The following IL7 variants were observed in gnomAD, a reference collection of about 807,000 sequenced individuals.
The protein encoded by IL7 is interleukin-7.
In IL7, 3 loss-of-function variants were observed where a neutral mutation model predicts 21.6. That is an observed-to-expected ratio of 0.14 (90% CI 0.06 to 0.36). IL7 has a LOEUF of 0.36. IL7 is among the 10% of genes least tolerant of loss of function. IL7 has a pLI of 1.00. For synonymous variants in IL7, 62 were observed against 68.1 expected, an observed-to-expected ratio of 0.91 and a Z score of 0.44; for missense variants, 175 against 200.2, an observed-to-expected ratio of 0.87 and a Z score of 0.76.
intron 3 of IL7, among the ~76,000 whole-genome samples, chr8:78,712,612 G>A (rs1438954159): frequency 2.0e-5 from 3 of 152,084 alleles, no homozygotes; most frequent in African/African-American, 4.8e-5. Context: ...GCCTACAACC[G>A]GGAAAAAGTA....
At chr8:78,762,218 G>C in intron 2 of IL7, 1 of 1,580,862 alleles carries the variant, frequency 6.3e-7, no homozygotes, top group Non-Finnish European at 8.7e-7. Context: ...ATAAGGACCA[G>C]TTCTACAGAT....
chr8:78,764,443 T>C (rs183436074), intron 2 of IL7, among the ~76,000 whole-genome samples: 173 of 152,152 alleles, frequency 1.1e-3, no homozygotes, highest in African/African-American at 4.0e-3. Context: ...TTTTTTTAAA[T>C]TGGTAAAAAA....
chr8:78,689,694 C>T (rs960577151), intron 3 of IL7, among the ~76,000 whole-genome samples: 1 of 151,682 alleles, frequency 6.6e-6, no homozygotes, highest in African/African-American at 2.4e-5. Context: ...GAGTGAAAGA[C>T]CTTGTTACAT....
intron 5 of IL7, chr8:78,719,131 G>T (rs901721446): frequency 2.0e-5 from 3 of 151,744 alleles, no homozygotes; most frequent in African/African-American, 7.2e-5. Flanking sequence ...TTTAGAAGAT[G>T]AATGCATATA....
chr8:78,740,142 ATT>A, intron 2 of IL7, 60 bp from the exon 3 acceptor site: 2 of 960,674 alleles, frequency 2.1e-6, no homozygotes, highest in South Asian at 6.4e-5. Flanking sequence ...ATATCTTGTA[ATT>A]ATAAAAAATA....
chr8:78,680,717 C>A (rs552862636), intron 4 of IL7, among the ~76,000 whole-genome samples: 26 of 152,124 alleles, frequency 1.7e-4, no homozygotes, highest in African/African-American at 6.3e-4. Context: ...GAGAAATTAC[C>A]CGTAAGAGGA....
chr8:78,732,326 C>T (rs575694184), downstream of IL7, among the ~76,000 whole-genome samples: 2 of 152,206 alleles, frequency 1.3e-5, no homozygotes, highest in South Asian at 4.1e-4. Context: ...ACAGCTATCG[C>T]ACCAGTGAAG....
At chr8:78,739,834 G>A (rs1811719834) in intron 3 of IL7, among the ~76,000 whole-genome samples, 168 bp downstream of exon 3, 1 of 152,056 alleles carries the variant, frequency 6.6e-6, no homozygotes, top group Non-Finnish European at 1.5e-5. Context: ...AGGACTATTT[G>A]TAAAACAAAA....
downstream of IL7, chr8:78,717,495 T>C: frequency 6.8e-7 from 1 of 1,464,818 alleles, no homozygotes; most frequent in South Asian, 1.4e-5. Flanking sequence ...ATTCTATGAA[T>C]AGAATCTCAA....
chr8:78,796,734 A>T (rs1369260045), intron 2 of IL7, among the ~76,000 whole-genome samples: 1 of 151,976 alleles, frequency 6.6e-6, no homozygotes, highest in Non-Finnish European at 1.5e-5. Context: ...AAATGGTTAA[A>T]ATCTGCAAAA....
At chr8:78,683,056 A>T (rs1307060612) in intron 4 of IL7, among the ~76,000 whole-genome samples, 3 of 152,130 alleles carry the variant, frequency 2.0e-5, no homozygotes, top group Middle Eastern at 3.2e-3. Context: ...GGGCAGCTCT[A>T]CCCCTTTGTC....
At chr8:78,704,959 G>A (rs1280996490) in intron 3 of IL7, among the ~76,000 whole-genome samples, 1 of 152,152 alleles carries the variant, frequency 6.6e-6, no homozygotes, top group African/African-American at 2.4e-5. Context: ...GGTTGGTTAT[G>A]TTCTTCTCTA....
chr8:78,740,105 A>T, intron 2 of IL7, 23 bp from the exon 3 acceptor site: 2 of 1,369,682 alleles, frequency 1.5e-6, no homozygotes, highest in Non-Finnish European at 1.9e-6. Flanking sequence ...ACATAAAATA[A>T]TATGGTTAAA....
intron 4 of IL7, chr8:78,678,513 T>C: frequency 2.0e-6 from 3 of 1,463,790 alleles, no homozygotes; most frequent in Non-Finnish European, 2.8e-6. Context: ...TCTGTAGTCT[T>C]ACCTTCTGTA....
At chr8:78,745,145 A>G (rs945189716) in intron 2 of IL7, among the ~76,000 whole-genome samples, 12 of 152,232 alleles carry the variant, frequency 7.9e-5, no homozygotes, top group African/African-American at 2.9e-4. Context: ...AGTTCTTAAA[A>G]TACATAATGT....
chr8:78,801,125 T>C (rs781295838), intron 1 of IL7, among the ~76,000 whole-genome samples: 1 of 152,222 alleles, frequency 6.6e-6, no homozygotes, highest in African/African-American at 2.4e-5. Flanking sequence ...GTTAAGAGTG[T>C]TTTCTGTTGC....
At chr8:78,787,249 A>T (rs1251187354) in intron 2 of IL7, among the ~76,000 whole-genome samples, 2 of 152,198 alleles carry the variant, frequency 1.3e-5, no homozygotes, top group East Asian at 3.9e-4. Flanking sequence ...AGGGTTTGTG[A>T]TTGGCATCTG....
At chr8:78,748,587 C>T (rs1812060661) in intron 2 of IL7, among the ~76,000 whole-genome samples, 1 of 152,104 alleles carries the variant, frequency 6.6e-6, no homozygotes, top group Admixed American at 6.5e-5. Flanking sequence ...TGGTTACCAT[C>T]AGTATTGTGT....
downstream of IL7, chr8:78,717,579 T>C (rs901380212): frequency 1.7e-5 from 24 of 1,412,946 alleles, no homozygotes; most frequent in Middle Eastern, 5.6e-4. Context: ...TCTAGTTAGT[T>C]TGTGCTAAAA....
Sources: allele counts gnomAD v4.1 joint callset (sites outside exome capture counted in the v4.1 genomes callset), GRCh38; gene constraint gnomAD v4.1.1; transcripts MANE v1.5; gene names NCBI Gene and HGNC (gene_info 2026-07-23, HGNC 2026-07-21).